The following MED27 variants were observed in gnomAD, a reference collection of about 807,000 sequenced individuals.
MED27 encodes mediator of RNA polymerase II transcription subunit 27.
Under a neutral mutation model 38.2 loss-of-function variants are expected in MED27, and 30 were observed. The observed-to-expected ratio is 0.79, with a 90% CI of 0.59 to 1.07. MED27 has a LOEUF of 1.07. Ranked by LOEUF, MED27 falls within the 50% of genes least tolerant of loss-of-function variation. The pLI is 0.00. For missense variants in MED27, 289 were observed against 397.5 expected (o/e 0.73, Z 2.32); for synonymous variants, 122 against 153.5 (o/e 0.79, Z 1.52).
At chr9:132,041,443 G>C (rs1325919643) in intron 2 of MED27, among the ~76,000 whole-genome samples, 1 of 152,218 alleles carries the variant, frequency 6.6e-6, no homozygotes, top group African/African-American at 2.4e-5. Flanking sequence ...TGGCATGTAG[G>C]GGTAGCACCA....
At chr9:131,993,582 C>T (rs1211743063) in intron 3 of MED27, among the ~76,000 whole-genome samples, 1 of 152,204 alleles carries the variant, frequency 6.6e-6, no homozygotes, top group East Asian at 1.9e-4. Context: ...CGAGTGGGGG[C>T]ACATGGGGAG....
At chr9:131,987,222 G>A (rs1230497671) in intron 3 of MED27, among the ~76,000 whole-genome samples, 1 of 151,664 alleles carries the variant, frequency 6.6e-6, no homozygotes, top group Admixed American at 6.6e-5. Flanking sequence ...GACTAATGCT[G>A]GTGCATCTTT....
intron 3 of MED27, among the ~76,000 whole-genome samples, chr9:131,941,516 G>A (rs942901301): frequency 1.3e-5 from 2 of 152,098 alleles, no homozygotes; most frequent in Non-Finnish European, 2.9e-5. Context: ...ACTTTAAGCT[G>A]AAGAAGGAAG....
chr9:132,016,660 G>A (rs1167117806), intron 2 of MED27, among the ~76,000 whole-genome samples: 5 of 152,142 alleles, frequency 3.3e-5, no homozygotes, highest in Non-Finnish European at 7.4e-5. Flanking sequence ...AGACAGCTTG[G>A]CAGGGGCCTC....
intron 1 of MED27, 115 bp from the exon 2 acceptor site, chr9:132,077,701 A>G (rs1834083499): frequency 1.8e-6 from 2 of 1,085,382 alleles, no homozygotes; most frequent in Non-Finnish European, 1.3e-6. Flanking sequence ...TCCCTTAAGA[A>G]GAAATACTTT....
chr9:132,002,688 G>C (rs1832264618), intron 3 of MED27, among the ~76,000 whole-genome samples: 1 of 152,130 alleles, frequency 6.6e-6, no homozygotes, highest in Non-Finnish European at 1.5e-5. Context: ...GAGGCAAGCG[G>C]ATCACTTGAG....
At chr9:131,890,907 G>A (rs1239919746) in intron 5 of MED27, among the ~76,000 whole-genome samples, 1 of 152,232 alleles carries the variant, frequency 6.6e-6, no homozygotes, top group South Asian at 2.1e-4. Context: ...CCTGACCAAC[G>A]TATGTTAGTA....
chr9:131,992,893 A>T (rs1251511464), intron 3 of MED27, among the ~76,000 whole-genome samples: 1 of 152,212 alleles, frequency 6.6e-6, no homozygotes, highest in African/African-American at 2.4e-5. Context: ...GCTAGCACTT[A>T]CTGAGTGATC....
intron 3 of MED27, among the ~76,000 whole-genome samples, chr9:131,939,900 CTTTTTT>C (rs545565196): frequency 2.2e-5 from 3 of 136,172 alleles, no homozygotes; most frequent in African/African-American, 8.2e-5. Context: ...AAATTCCTTC[CTTTTTT>C]TTTTTTTTTT....
At chr9:132,059,389 T>C (rs957463444) in intron 2 of MED27, among the ~76,000 whole-genome samples, 5 of 152,216 alleles carry the variant, frequency 3.3e-5, no homozygotes, top group Non-Finnish European at 7.3e-5. Flanking sequence ...TCCTCTCAGG[T>C]TGACACAAGA....
At chr9:131,995,794 A>G (rs781756023) in intron 3 of MED27, among the ~76,000 whole-genome samples, 1 of 152,216 alleles carries the variant, frequency 6.6e-6, no homozygotes, top group Non-Finnish European at 1.5e-5. Context: ...GCTTGGAGAC[A>G]CTACTCAGCA....
At chr9:131,991,825 G>T (rs111769363) in intron 3 of MED27, among the ~76,000 whole-genome samples, 1 of 152,078 alleles carries the variant, frequency 6.6e-6, no homozygotes, top group South Asian at 2.1e-4. Context: ...AGGTTCAAGC[G>T]ATTCTCCTGC....
intron 3 of MED27, among the ~76,000 whole-genome samples, chr9:131,989,549 C>T (rs1031742546): frequency 3.1e-4 from 47 of 152,228 alleles, no homozygotes; most frequent in African/African-American, 1.1e-3. Context: ...TTAAAAAACA[C>T]ATAAAACAGT....
intron 2 of MED27, among the ~76,000 whole-genome samples, chr9:132,069,138 C>T (rs1168115359): frequency 6.6e-6 from 1 of 152,174 alleles, no homozygotes; most frequent in Non-Finnish European, 1.5e-5. Flanking sequence ...TCTGGACAAA[C>T]CACACAAACC....
At chr9:131,867,376 G>A (rs761612348) in intron 6 of MED27, among the ~76,000 whole-genome samples, 2 of 152,160 alleles carry the variant, frequency 1.3e-5, no homozygotes, top group Non-Finnish European at 2.9e-5. Context: ...ACACAGCCCC[G>A]TCAAAACTCA....
At chr9:132,047,278 G>C (rs2131130099) in intron 2 of MED27, among the ~76,000 whole-genome samples, 1 of 152,202 alleles carries the variant, frequency 6.6e-6, no homozygotes, top group African/African-American at 2.4e-5. Context: ...GGAGGAGCAA[G>C]AGTGAAGGAC....
At chr9:132,040,251 C>T (rs988750375) in intron 2 of MED27, among the ~76,000 whole-genome samples, 4 of 152,156 alleles carry the variant, frequency 2.6e-5, no homozygotes, top group South Asian at 2.1e-4. Context: ...TTCCCTGCGG[C>T]GGGGAAATGA....
intron 5 of MED27, among the ~76,000 whole-genome samples, chr9:131,887,079 A>G (rs1274000034): frequency 1.3e-5 from 2 of 152,250 alleles, no homozygotes; most frequent in Non-Finnish European, 2.9e-5. Context: ...AAGCAGACCA[A>G]GACATAAACA....
chr9:131,899,723 T>C (rs1257765070), intron 4 of MED27, among the ~76,000 whole-genome samples: 1 of 152,186 alleles, frequency 6.6e-6, no homozygotes, highest in African/African-American at 2.4e-5. Context: ...TGGAGCCTGG[T>C]GTGCGCTCTC....
Sources: gnomAD v4.1 joint callset for allele counts (sites outside exome capture counted in the v4.1 genomes callset) on GRCh38, gnomAD v4.1.1 for gene constraint, MANE v1.5 for transcripts, NCBI Gene and HGNC (gene_info 2026-07-23, HGNC 2026-07-21) for gene names.